The following COX5A variants were observed in gnomAD, a reference collection of about 807,000 sequenced individuals.
The protein encoded by COX5A is cytochrome c oxidase subunit 5A.
Under a neutral mutation model 16.1 loss-of-function variants are expected in COX5A, and 6 were observed. The ratio of observed to expected loss-of-function variants is 0.37; its 90% CI spans 0.20 to 0.73. COX5A has a LOEUF of 0.73. COX5A is among the 30% of genes least tolerant of loss of function. COX5A has a pLI of 0.50. For synonymous variants in COX5A, 73 were observed against 73.8 expected (o/e 0.99, Z 0.06); for missense variants, 159 against 194.9 (o/e 0.82, Z 1.10).
At chr15:74,924,698 C>T (rs1335707928) in intron 3 of COX5A, among the ~76,000 whole-genome samples, 1 of 152,170 alleles carries the variant, frequency 6.6e-6, no homozygotes, top group Non-Finnish European at 1.5e-5. Flanking sequence ...GGCAATTAGA[C>T]ATGCCCAGCA....
chr15:74,929,743 A>G (rs2065358413), intron 1 of COX5A, among the ~76,000 whole-genome samples: 1 of 152,126 alleles, frequency 6.6e-6, no homozygotes. Flanking sequence ...TAAGATAGCC[A>G]TTGCATTCCA....
chr15:74,929,733 TAAGA>T (rs1279722742), intron 1 of COX5A, among the ~76,000 whole-genome samples: 1 of 152,054 alleles, frequency 6.6e-6, no homozygotes, highest in Non-Finnish European at 1.5e-5. Context: ...CAGAACCTGA[TAAGA>T]TAGCCATTGC....
At chr15:74,934,436 T>G (rs1183800769) in intron 1 of COX5A, among the ~76,000 whole-genome samples, 3 of 151,868 alleles carry the variant, frequency 2.0e-5, no homozygotes, top group Non-Finnish European at 4.4e-5. Flanking sequence ...GTTCACGCCA[T>G]TCTCCTATCT....
At chr15:74,925,802 A>G (rs2065340602) in intron 3 of COX5A, among the ~76,000 whole-genome samples, 1 of 152,144 alleles carries the variant, frequency 6.6e-6, no homozygotes, top group Non-Finnish European at 1.5e-5. Context: ...GACAAATAGC[A>G]AGAAGATGAA....
intron 1 of COX5A, 190 bp downstream of exon 1, chr15:74,937,725 G>A (rs1041180310): frequency 2.4e-5 from 9 of 382,078 alleles, no homozygotes; most frequent in African/African-American, 1.9e-4. Context: ...TGCGCGGGGG[G>A]AGGCCCCGGG....
At chr15:74,928,325 T>C (rs2065352460) in intron 2 of COX5A, among the ~76,000 whole-genome samples, 1 of 151,660 alleles carries the variant, frequency 6.6e-6, no homozygotes, top group Non-Finnish European at 1.5e-5. Context: ...AATGCAAAAA[T>C]AACAAAAAAC....
intron 1 of COX5A, among the ~76,000 whole-genome samples, chr15:74,935,410 A>G (rs1595863784): frequency 6.6e-6 from 1 of 151,692 alleles, no homozygotes; most frequent in African/African-American, 2.4e-5. Flanking sequence ...GGAGGGAGGC[A>G]CTCCTGAGCC....
chr15:74,936,489 C>T (rs2065390621), intron 1 of COX5A, among the ~76,000 whole-genome samples: 2 of 150,974 alleles, frequency 1.3e-5, no homozygotes, highest in Admixed American at 1.3e-4. Flanking sequence ...GGAGTTCAAG[C>T]CCAGCCTGGG....
At chr15:74,926,319 C>T (rs1463347129) in intron 3 of COX5A, among the ~76,000 whole-genome samples, 6 of 151,634 alleles carry the variant, frequency 4.0e-5, no homozygotes, top group African/African-American at 7.3e-5. Flanking sequence ...GGATTACAGG[C>T]GTGAGCCACC....
At chr15:74,930,764 T>C (rs1185837792) in intron 1 of COX5A, among the ~76,000 whole-genome samples, 3 of 145,110 alleles carry the variant, frequency 2.1e-5, no homozygotes, top group African/African-American at 7.5e-5. Flanking sequence ...ACGCCTGTAA[T>C]CCCAGCACTT....
chr15:74,930,906 A>G (rs2065364063), intron 1 of COX5A, among the ~76,000 whole-genome samples: 1 of 146,032 alleles, frequency 6.8e-6, no homozygotes, highest in Non-Finnish European at 1.5e-5. Flanking sequence ...GGTCCCACCT[A>G]GTTGGGAGGC....
chr15:74,934,893 TGAG>T (rs1022822528), intron 1 of COX5A, among the ~76,000 whole-genome samples: 2 of 151,968 alleles, frequency 1.3e-5, no homozygotes, highest in Non-Finnish European at 2.9e-5. Context: ...CTGTGAAAAA[TGAG>T]GACATTTTTA....
chr15:74,930,157 C>G (rs973957966), intron 1 of COX5A, among the ~76,000 whole-genome samples: 1 of 151,930 alleles, frequency 6.6e-6, no homozygotes, highest in Non-Finnish European at 1.5e-5. Flanking sequence ...CAGTGGCTCA[C>G]GCCTGTAATC....
In COX5A at chr15:74,936,622, CTTTTTTTTTTT is replaced by C. The variant is rs1021836626; in HGVS notation, c.100+1282_100+1292del. ...TAAAATGAATGAAGCAAAACATATT[CTTTTTTTTTTT>C]TTTTTTTTTTTGAGACGGAGTCTCG... On this transcript the variant is annotated intron_variant, in intron 1 of 4. Transcript: ENST00000322347. 3.6e-5 allele frequency among the ~76,000 whole-genome samples: 4 copies of C among 112,426 alleles called. No homozygotes were observed. In the Admixed American group the frequency reaches 4.0e-4, roughly 11 times the overall value. 73.8% of individuals were successfully genotyped at this position (112,426 alleles called of 152,430 possible).
At chr15:74,923,253 G>A (rs377664280) in intron 4 of COX5A, among the ~76,000 whole-genome samples, 3 of 151,966 alleles carry the variant, frequency 2.0e-5, no homozygotes, top group Middle Eastern at 3.4e-3. Context: ...ATGAAATCCC[G>A]TCTTTACTAA....
intron 1 of COX5A, among the ~76,000 whole-genome samples, chr15:74,933,419 A>ATCTATC (rs1238161758): frequency 0.031 from 4,386 of 143,342 alleles, 96 homozygotes; most frequent in Non-Finnish European, 0.045. Flanking sequence ...AAAAAAAAAA[A>ATCTATC]TATCTATCTA....
In COX5A at chr15:74,920,178, C is replaced by A; in HGVS notation, c.*274G>T. Reference sequence around the variant, plus strand: ...TCAGATGGTTTCCAGAGAATTAACACAGTTCTCTCAGCATGTAAGAGGGCA... The same window carrying A: ...TCAGATGGTTTCCAGAGAATTAACAAAGTTCTCTCAGCATGTAAGAGGGCA... On this transcript the variant is annotated 3_prime_UTR_variant, in exon 5 of 5. Coordinates refer to ENST00000322347, the MANE Select transcript of COX5A (RefSeq NM_004255.4). 1 of 527,406 alleles carries A rather than the reference C, an allele frequency of 1.9e-6. No homozygotes were observed. Among genetic ancestry groups the A allele is most frequent in the Non-Finnish European group, 3.3e-6 (1 of 306,682 alleles). 32.7% of individuals were successfully genotyped at this position (527,406 alleles called of 1,614,324 possible).
At chr15:74,932,541 T>C (rs984018320) in intron 1 of COX5A, among the ~76,000 whole-genome samples, 3 of 151,900 alleles carry the variant, frequency 2.0e-5, no homozygotes, top group Non-Finnish European at 4.4e-5. Flanking sequence ...ATTAGTAATA[T>C]CCTATATATC....
At chr15:74,928,094 T>C (rs780805327) in intron 2 of COX5A, among the ~76,000 whole-genome samples, 6 of 152,228 alleles carry the variant, frequency 3.9e-5, no homozygotes, top group Non-Finnish European at 7.3e-5. Context: ...AGGGAATCAT[T>C]ACATTTCTGC....
Sources: gnomAD v4.1 joint callset for allele counts (sites outside exome capture counted in the v4.1 genomes callset) on GRCh38, gnomAD v4.1.1 for gene constraint, MANE v1.5 for transcripts, NCBI Gene and HGNC (gene_info 2026-07-23, HGNC 2026-07-21) for gene names.